The following NEK5 variants were observed in gnomAD, a reference collection of about 807,000 sequenced individuals.
The protein encoded by NEK5 is NIMA related kinase 5.
NEK5 carries 88 observed loss-of-function variants against 109.2 expected under a neutral mutation model. That is an observed-to-expected ratio of 0.81 (90% CI 0.68 to 0.96). The LOEUF is 0.96. Among genes scored for constraint, NEK5 ranks in the 40% least tolerant of loss-of-function variants. The pLI is 0.00. For synonymous variants in NEK5, 283 were observed against 299.9 expected (o/e 0.94, Z 0.58); for missense variants, 834 against 920.7 (o/e 0.91, Z 1.22).
chr13:52,108,476 A>T, intron 7 of NEK5, 72 bp from the exon 8 acceptor site: 1 of 917,286 alleles, frequency 1.1e-6, no homozygotes, highest in South Asian at 1.6e-5. Context: ...AGACATGGAC[A>T]TGCAAGAAAA....
At chr13:52,086,567 ATTTT>A in intron 15 of NEK5, among the ~76,000 whole-genome samples, 1 of 152,230 alleles carries the variant, frequency 6.6e-6, no homozygotes, top group Non-Finnish European at 1.5e-5. Flanking sequence ...ACAGAGCTCA[ATTTT>A]ATATATAACC....
chr13:52,065,394 G>A, intron 21 of NEK5, 90 bp downstream of exon 21: 1 of 1,568,088 alleles, frequency 6.4e-7, no homozygotes, highest in Non-Finnish European at 8.8e-7. Context: ...GGTGTATAGT[G>A]AGAAGTAGAC....
rs920649254 is a variant in NEK5, at chr13:52,033,881, T to C, written c.*3067A>G. On this transcript the variant is annotated 3_prime_UTR_variant, in exon 24 of 24. Coordinates refer to ENST00000684899, the MANE Select transcript of NEK5 (RefSeq NM_001365552.1). ...ATCAGTACAATAGAAAAGTTAATTA[T>C]ATAACTACAACACGAAACACAAATT... The C allele has an allele frequency of 2.0e-5, 3 of 152,212 alleles. No individual in the cohort carries two copies. The highest frequency in any genetic ancestry group is 7.2e-5 in the African/African-American group (3 of 41,456). 9.4% of individuals were successfully genotyped at this position (152,212 alleles called of 1,614,324 possible). A position where few individuals can be genotyped will look rare whatever the true frequency, so the allele number is the denominator to read the frequency against.
intron 16 of NEK5, among the ~76,000 whole-genome samples, chr13:52,084,684 C>A (rs1198467808): frequency 6.7e-6 from 1 of 148,594 alleles, no homozygotes; most frequent in Non-Finnish European, 1.5e-5. Context: ...ACTACAGGTG[C>A]AAACCACCAT....
chr13:52,049,666 T>TAAA (rs75893721), intron 23 of NEK5, among the ~76,000 whole-genome samples: 1 of 131,760 alleles, frequency 7.6e-6, no homozygotes, highest in Non-Finnish European at 1.6e-5. Context: ...GCTGATGAAC[T>TAAA]AAAAAAAAAA....
intron 20 of NEK5, among the ~76,000 whole-genome samples, chr13:52,070,107 G>A (rs1280592296): frequency 1.3e-5 from 2 of 152,152 alleles, no homozygotes; most frequent in Admixed American, 1.3e-4. Context: ...AGTATTCCAG[G>A]AAGAGGAAAC....
chr13:52,038,398 C>A (rs571539568), intron 23 of NEK5, among the ~76,000 whole-genome samples: 94 of 152,074 alleles, frequency 6.2e-4, no homozygotes, highest in Non-Finnish European at 6.9e-4. Flanking sequence ...AGATGTGTAT[C>A]GTGGAAGCCA....
rs929767036 is a variant in NEK5, at chr13:52,035,228, A to G, written c.*1720T>C. On this transcript the variant is annotated 3_prime_UTR_variant, in exon 24 of 24. Transcript: ENST00000684899. Reference sequence around the variant, plus strand: ...TAACTCTACACCAAGTTGAAAGAACAGTCTGTCAAACATCAGGAAATAGTC... The same window carrying G: ...TAACTCTACACCAAGTTGAAAGAACGGTCTGTCAAACATCAGGAAATAGTC... The G allele has an allele frequency of 6.6e-6, 1 of 152,114 alleles. No homozygotes were observed. The highest frequency in any genetic ancestry group is 2.4e-5 in the African/African-American group (1 of 41,462). 9.4% of individuals were successfully genotyped at this position (152,114 alleles called of 1,614,324 possible).
At chr13:52,097,501 T>A (rs1955441547) in intron 12 of NEK5, among the ~76,000 whole-genome samples, 1 of 152,224 alleles carries the variant, frequency 6.6e-6, no homozygotes, top group Non-Finnish European at 1.5e-5. Flanking sequence ...ATTTGGAGCT[T>A]TAAGATTTAA....
At position 52,082,186 on chromosome 13, in the gene NEK5, G is replaced by C. The variant is rs763376239; in HGVS notation, c.1572+1074C>G. 1.2e-4 allele frequency: 31 copies of C among 258,798 alleles called. No individual in the cohort carries two copies. In the Middle Eastern group the frequency reaches 4.5e-3, roughly 38 times the overall value. 16.0% of individuals were successfully genotyped at this position (258,798 alleles called of 1,614,324 possible). On this transcript the variant is annotated intron_variant, in intron 17 of 23. Transcript: ENST00000684899. The stretch of plus-strand genomic sequence containing the variant: ...AAAAATTAGCTGGGCGCGGTGGCAG[G>C]CGCCTATAATTCCAGCTACTCAGGA...
At chr13:52,071,452 T>G (rs1029805019) in intron 20 of NEK5, among the ~76,000 whole-genome samples, 1 of 152,234 alleles carries the variant, frequency 6.6e-6, no homozygotes, top group Non-Finnish European at 1.5e-5. Flanking sequence ...GTGCTGCCCA[T>G]TGCACTCTTG....
At chr13:52,057,548 A>G (rs1328083885) in intron 22 of NEK5, among the ~76,000 whole-genome samples, 1 of 152,130 alleles carries the variant, frequency 6.6e-6, no homozygotes, top group Admixed American at 6.5e-5. Context: ...AAAAATCCTC[A>G]ATAAAATACT....
At chr13:52,086,677 G>A (rs1955150156) in intron 15 of NEK5, among the ~76,000 whole-genome samples, 1 of 152,140 alleles carries the variant, frequency 6.6e-6, no homozygotes. Flanking sequence ...AAAGAGATAT[G>A]TTGAAGTCCT....
chr13:52,111,029 G>C (rs1023114009), intron 5 of NEK5, among the ~76,000 whole-genome samples: 2 of 152,072 alleles, frequency 1.3e-5, no homozygotes, highest in African/African-American at 4.8e-5. Flanking sequence ...GGAAGAAATG[G>C]GGGATCTGTG....
intron 22 of NEK5, among the ~76,000 whole-genome samples, chr13:52,054,774 A>G (rs1190167132): frequency 6.6e-6 from 1 of 152,238 alleles, no homozygotes; most frequent in Non-Finnish European, 1.5e-5. Flanking sequence ...AACAGAAGGG[A>G]CATCCACACC....
intron 22 of NEK5, among the ~76,000 whole-genome samples, chr13:52,053,445 A>T (rs898794044): frequency 6.6e-6 from 1 of 151,614 alleles, no homozygotes; most frequent in Admixed American, 6.6e-5. Flanking sequence ...CCTATTTTTA[A>T]TTTTTTTTTC....
intron 21 of NEK5, among the ~76,000 whole-genome samples, chr13:52,062,447 C>A (rs1268732052): frequency 6.7e-6 from 1 of 150,146 alleles, no homozygotes; most frequent in African/African-American, 2.5e-5. Context: ...TTTTTTGAGA[C>A]AGAGTCTCAC....
chr13:52,055,193 G>GT (rs1309603550), intron 22 of NEK5, among the ~76,000 whole-genome samples: 4 of 152,190 alleles, frequency 2.6e-5, no homozygotes, highest in Non-Finnish European at 5.9e-5. Context: ...GGAAGGAAGG[G>GT]TATCAGTGAT....
chr13:52,128,195 C>T (rs1041208604), intron 1 of NEK5, among the ~76,000 whole-genome samples: 2 of 144,900 alleles, frequency 1.4e-5, no homozygotes, highest in Admixed American at 1.6e-4. Context: ...ATGAACACTT[C>T]TTTTTTTTTT....
Sources: gnomAD v4.1 joint callset for allele counts (sites outside exome capture counted in the v4.1 genomes callset) on GRCh38, gnomAD v4.1.1 for gene constraint, MANE v1.5 for transcripts, NCBI Gene and HGNC (gene_info 2026-07-23, HGNC 2026-07-21) for gene names.